CCDC6: variants seen among roughly 807,000 people sequenced by gnomAD.
The protein encoded by CCDC6 is coiled-coil domain-containing protein 6.
Under a neutral mutation model 56.6 loss-of-function variants are expected in CCDC6, and 20 were observed. The ratio of observed to expected loss-of-function variants is 0.35; its 90% confidence interval spans 0.25 to 0.51. CCDC6 has a LOEUF of 0.51. Ranked by LOEUF, CCDC6 falls within the 20% of genes least tolerant of loss-of-function variation. The pLI is 0.95. For synonymous variants in CCDC6, 241 were observed against 234.4 expected, an observed-to-expected ratio of 1.03 and a Z score of -0.26; for missense variants, 367 against 601.1, an observed-to-expected ratio of 0.61 and a Z score of 4.07.
At chr10:59,837,103 C>T (rs1386332362) in intron 2 of CCDC6, among the ~76,000 whole-genome samples, 1 of 152,180 alleles carries the variant, frequency 6.6e-6, no homozygotes, top group African/African-American at 2.4e-5. Flanking sequence ...AATTGTTGTG[C>T]TTATAATTTA....
intron 2 of CCDC6, among the ~76,000 whole-genome samples, chr10:59,838,808 T>C (rs2070908962): frequency 6.6e-6 from 1 of 152,164 alleles, no homozygotes. Flanking sequence ...GCCCCACTCA[T>C]GCTGTGCCTC....
At chr10:59,864,330 A>T (rs2071158966) in intron 1 of CCDC6, among the ~76,000 whole-genome samples, 1 of 152,246 alleles carries the variant, frequency 6.6e-6, no homozygotes, top group Non-Finnish European at 1.5e-5. Flanking sequence ...CCCTAACTCC[A>T]GTAAAGCATA....
intron 8 of CCDC6, among the ~76,000 whole-genome samples, chr10:59,793,911 T>C (rs2070490237): frequency 6.6e-6 from 1 of 152,236 alleles, no homozygotes; most frequent in Admixed American, 6.5e-5. Context: ...ATATTGGTAT[T>C]TCTGTTATTG....
chr10:59,816,654 G>A (rs2070711666), intron 3 of CCDC6, among the ~76,000 whole-genome samples: 1 of 152,196 alleles, frequency 6.6e-6, no homozygotes, highest in Non-Finnish European at 1.5e-5. Flanking sequence ...GTAAACCATT[G>A]ATAACTAATG....
intron 1 of CCDC6, among the ~76,000 whole-genome samples, chr10:59,861,718 T>A (rs1157417305): frequency 6.6e-6 from 1 of 152,226 alleles, no homozygotes; most frequent in African/African-American, 2.4e-5. Context: ...AGATTTGGCA[T>A]GGCTTAAGAA....
chr10:59,815,637 T>C (rs1000110376), intron 3 of CCDC6, among the ~76,000 whole-genome samples: 1 of 152,138 alleles, frequency 6.6e-6, no homozygotes, highest in African/African-American at 2.4e-5. Context: ...TAGCAATGAG[T>C]AGAGGACATG....
At chr10:59,878,805 G>T (rs1050741096) in intron 1 of CCDC6, among the ~76,000 whole-genome samples, 1 of 152,142 alleles carries the variant, frequency 6.6e-6, no homozygotes, top group Non-Finnish European at 1.5e-5. Flanking sequence ...GCATCCCAAT[G>T]AAGTTTTTTT....
chr10:59,850,163 T>C (rs2071025533), intron 2 of CCDC6, among the ~76,000 whole-genome samples: 1 of 152,146 alleles, frequency 6.6e-6, no homozygotes, highest in African/African-American at 2.4e-5. Flanking sequence ...CTACCTGCTA[T>C]CCATCCCTTT....
At chr10:59,817,024 G>T (rs931276858) in intron 3 of CCDC6, among the ~76,000 whole-genome samples, 1 of 152,162 alleles carries the variant, frequency 6.6e-6, no homozygotes, top group Non-Finnish European at 1.5e-5. Context: ...GCAAAGTTGG[G>T]ACCCCACTAA....
intron 1 of CCDC6, among the ~76,000 whole-genome samples, chr10:59,898,876 A>G (rs1393452979): frequency 2.0e-5 from 3 of 152,246 alleles, no homozygotes; most frequent in Non-Finnish European, 2.9e-5. Context: ...GTAATGAACT[A>G]TAATCATTAA....
chr10:59,864,078 C>T (rs1269477179), intron 1 of CCDC6, among the ~76,000 whole-genome samples: 2 of 152,102 alleles, frequency 1.3e-5, no homozygotes, highest in Admixed American at 6.5e-5. Flanking sequence ...TTCCCATGGC[C>T]AGCTTTAAAA....
In CCDC6 at chr10:59,832,907, A is replaced by G. The variant is rs900600711; in HGVS notation, c.454-254T>C. 7.2e-5 allele frequency among the ~76,000 whole-genome samples: 11 copies of G among 152,254 alleles called. No homozygotes were observed. In the South Asian group the frequency reaches 8.3e-4, roughly 11 times the overall value. Reference sequence around the variant, plus strand: ...TTTGCTACCTTTCAGGTTTTATACTATAGGCATACAAATAAATTTTTAAAA... The same window carrying G: ...TTTGCTACCTTTCAGGTTTTATACTGTAGGCATACAAATAAATTTTTAAAA... On this transcript the variant is annotated intron_variant, in intron 2 of 8. Coordinates refer to ENST00000263102, the MANE Select transcript of CCDC6 (RefSeq NM_005436.5).
chr10:59,837,767 A>AAAG (rs1554884365), intron 2 of CCDC6, among the ~76,000 whole-genome samples: 3 of 143,726 alleles, frequency 2.1e-5, no homozygotes, highest in South Asian at 2.2e-4. Context: ...AAAAAAAAAA[A>AAAG]AAAGAAAGAA....
intron 1 of CCDC6, among the ~76,000 whole-genome samples, chr10:59,893,027 C>T (rs1163778809): frequency 6.6e-6 from 1 of 152,196 alleles, no homozygotes; most frequent in Admixed American, 6.5e-5. Context: ...AAAAATAACT[C>T]ACTATATGCA....
In CCDC6 at chr10:59,906,442, G is replaced by A; in HGVS notation, c.-18C>T. The A allele has an allele frequency of 6.7e-7, 1 of 1,497,434 alleles. No individual in the cohort carries two copies. The highest frequency in any genetic ancestry group is 8.8e-7 in the Non-Finnish European group (1 of 1,139,616). The allele number at this position is 1,497,434 out of a possible 1,614,324, so 92.8% of individuals were successfully genotyped here. ...TCCGCCATGGCCGCGGCGGGCTGGG[G>A]AAAGGAGGAGGAGCAGCAGGGAGGC... On this transcript the variant is annotated 5_prime_UTR_variant, in exon 1 of 9. Transcript: ENST00000263102.
intron 1 of CCDC6, among the ~76,000 whole-genome samples, chr10:59,870,452 T>C (rs1409328995): frequency 2.0e-5 from 3 of 152,180 alleles, no homozygotes; most frequent in East Asian, 1.9e-4. Context: ...CACAGCACTA[T>C]ACTTGGTAGC....
Position 59,858,626 on chromosome 10 carries a change from CAT to C in CCDC6, c.304-5926_304-5925del, listed in dbSNP as rs1396865793. On this transcript the variant is annotated intron_variant, in intron 1 of 8. Coordinates refer to ENST00000263102, the MANE Select transcript of CCDC6 (RefSeq NM_005436.5). ...CACCCCCATCTGCAGTGGACAGACA[CAT>C]GTCCTTCTGGGCATGTCCTAATGCA... is the stretch of plus-strand genomic sequence containing the variant. Among the ~76,000 whole-genome samples, 19 of 152,320 alleles carry C rather than the reference CAT, an allele frequency of 1.2e-4. No homozygotes were observed. In the South Asian group the frequency reaches 3.9e-3, roughly 32 times the overall value.
intron 1 of CCDC6, among the ~76,000 whole-genome samples, chr10:59,880,868 G>A (rs1406019923): frequency 6.6e-6 from 1 of 152,144 alleles, no homozygotes; most frequent in Admixed American, 6.5e-5. Flanking sequence ...GGTGCACAGA[G>A]GATGGTGGTT....
At chr10:59,829,087 C>T (rs999183289) in intron 3 of CCDC6, among the ~76,000 whole-genome samples, 5 of 152,176 alleles carry the variant, frequency 3.3e-5, no homozygotes, top group African/African-American at 9.7e-5. Flanking sequence ...ATTGAAGTGT[C>T]CATACCAAAG....
Sources: gnomAD v4.1 joint callset for allele counts (sites outside exome capture counted in the v4.1 genomes callset) on GRCh38, gnomAD v4.1.1 for gene constraint, MANE v1.5 for transcripts, NCBI Gene and HGNC (gene_info 2026-07-23, HGNC 2026-07-21) for gene names.